Variants in HOOK3 observed in about 807,000 individuals in gnomAD.
HOOK3 encodes the protein hook microtubule tethering protein 3, also known as protein Hook homolog 3.
Under a neutral mutation model 116.3 loss-of-function variants are expected in HOOK3, and 24 were observed. That is an observed-to-expected ratio of 0.21 (90% CI 0.15 to 0.29). The LOEUF is 0.29. Among genes scored for constraint, HOOK3 ranks in the 10% least tolerant of loss-of-function variants. The pLI is 1.00. For synonymous variants in HOOK3, 275 were observed against 283.0 expected (o/e 0.97, Z 0.28); for missense variants, 632 against 830.2 (o/e 0.76, Z 2.93).
chr8:42,909,797 A>G (rs958703317), intron 2 of HOOK3, among the ~76,000 whole-genome samples: 3 of 152,224 alleles, frequency 2.0e-5, no homozygotes, highest in Admixed American at 6.5e-5. Context: ...ATTTTCAACA[A>G]CGTGGACAAA....
intron 2 of HOOK3, among the ~76,000 whole-genome samples, chr8:42,914,030 G>T (rs1037672379): frequency 6.6e-6 from 1 of 152,096 alleles, no homozygotes; most frequent in East Asian, 1.9e-4. Context: ...AAGACATCTG[G>T]TTCTCTCCTA....
chr8:43,007,394 A>C (rs1436627372), intron 17 of HOOK3, among the ~76,000 whole-genome samples: 2 of 152,214 alleles, frequency 1.3e-5, no homozygotes, highest in African/African-American at 4.8e-5. Flanking sequence ...TGTACGTAAC[A>C]GAATCGTACA....
chr8:42,930,805 A>G (rs184293479), intron 4 of HOOK3, among the ~76,000 whole-genome samples: 180 of 152,228 alleles, frequency 1.2e-3, no homozygotes, highest in African/African-American at 4.2e-3. Context: ...AGCCTCCTAC[A>G]GTCCTTCTTT....
At chr8:43,005,824 T>C (rs1182706849) in intron 17 of HOOK3, among the ~76,000 whole-genome samples, 1 of 148,556 alleles carries the variant, frequency 6.7e-6, no homozygotes, top group Non-Finnish European at 1.5e-5. Context: ...GCCTCCCAAG[T>C]AGCTGGGATT....
chr8:43,007,768 A>G (rs1809520558), intron 17 of HOOK3, 79 bp from the exon 18 acceptor site: 1 of 757,356 alleles, frequency 1.3e-6, no homozygotes, highest in Admixed American at 2.3e-5. Flanking sequence ...TAATCCAAAT[A>G]TAAGGAACTC....
intron 15 of HOOK3, among the ~76,000 whole-genome samples, chr8:42,994,737 G>C (rs1159381677): frequency 2.0e-5 from 3 of 151,984 alleles, no homozygotes; most frequent in Non-Finnish European, 4.4e-5. Context: ...TTATATTTAT[G>C]TTGCTTACAT....
At chr8:42,902,399 A>G (rs1807209523) in intron 1 of HOOK3, among the ~76,000 whole-genome samples, 2 of 150,422 alleles carry the variant, frequency 1.3e-5, no homozygotes, top group Admixed American at 6.6e-5. Context: ...CGCCTCCTGA[A>G]TAGCTGGGAC....
At position 43,026,510 on chromosome 8, in the gene HOOK3, G is replaced by A. The variant is rs2130506914; in HGVS notation, c.*8012G>A. 4.7e-6 allele frequency: 1 copy of A among 211,408 alleles called. No individual in the cohort carries two copies. The highest frequency in any genetic ancestry group is 9.6e-6 in the Non-Finnish European group (1 of 104,272). 13.1% of individuals were successfully genotyped at this position (211,408 alleles called of 1,614,324 possible). On this transcript the variant is annotated 3_prime_UTR_variant, in exon 22 of 22. Transcript: ENST00000307602. Reference sequence around the variant, plus strand: ...TACTTTTTACATGTCTCCTTAAGAAGACTCTTTTATAATGTAATACTTAGA... The same window carrying A: ...TACTTTTTACATGTCTCCTTAAGAAAACTCTTTTATAATGTAATACTTAGA...
intron 3 of HOOK3, among the ~76,000 whole-genome samples, chr8:42,927,456 A>C (rs534181992): frequency 6.6e-6 from 1 of 151,932 alleles, no homozygotes; most frequent in African/African-American, 2.4e-5. Flanking sequence ...TGGTTTCGTC[A>C]TGTTGGCTAG....
intron 21 of HOOK3, among the ~76,000 whole-genome samples, chr8:43,015,517 C>T (rs368653233): frequency 3.9e-5 from 6 of 151,942 alleles, no homozygotes; most frequent in South Asian, 2.1e-4. Context: ...AGCGAGACTC[C>T]GTCTCAGAAA....
Position 42,982,768 on chromosome 8 carries a change from A to C in HOOK3, c.1391+72A>C. 5.2e-6 allele frequency: 5 copies of C among 969,550 alleles called. No homozygotes were observed. In the Admixed American group the frequency reaches 9.3e-5, roughly 18 times the overall value. The allele number at this position is 969,550 out of a possible 1,614,324, so 60.1% of individuals were successfully genotyped here. A position where few individuals can be genotyped will look rare whatever the true frequency, so the allele number is the denominator to read the frequency against. ...AGAAAACGTACTTCTCTACAATATG[A>C]AGAAGATAATTTCCTTATTCTTTCT... On this transcript the variant is annotated intron_variant, in intron 14 of 21. Transcript: ENST00000307602.
chr8:42,967,485 T>C (rs918067411), intron 10 of HOOK3, among the ~76,000 whole-genome samples: 2 of 152,198 alleles, frequency 1.3e-5, no homozygotes, highest in African/African-American at 4.8e-5. Context: ...GACCTCTACC[T>C]TTCTGGCCTA....
At chr8:42,960,913 A>C (rs1294079234) in intron 8 of HOOK3, among the ~76,000 whole-genome samples, 1 of 152,242 alleles carries the variant, frequency 6.6e-6, no homozygotes, top group Non-Finnish European at 1.5e-5. Flanking sequence ...TTTATAAAGA[A>C]AAAAGACGTT....
Position 43,026,836 on chromosome 8 carries a change from T to A in HOOK3, c.*8338T>A, listed in dbSNP as rs990765445. 1.4e-5 allele frequency: 3 copies of A among 219,788 alleles called. No homozygotes were observed. The highest frequency in any genetic ancestry group is 1.2e-4 in the Admixed American group (2 of 17,284). 13.6% of individuals were successfully genotyped at this position (219,788 alleles called of 1,614,324 possible). On this transcript the variant is annotated 3_prime_UTR_variant, in exon 22 of 22. Coordinates refer to ENST00000307602, the MANE Select transcript of HOOK3 (RefSeq NM_032410.4). ...TGGCAGGCTGCAAAAGCATTCTGAGTTCCCCTGTAACAGATAGGTTTTATG... is the reference window on the plus strand; with the variant it reads ...TGGCAGGCTGCAAAAGCATTCTGAGATCCCCTGTAACAGATAGGTTTTATG...
At chr8:42,912,900 C>A (rs1353285880) in intron 2 of HOOK3, among the ~76,000 whole-genome samples, 1 of 152,184 alleles carries the variant, frequency 6.6e-6, no homozygotes, top group African/African-American at 2.4e-5. Flanking sequence ...CTGTGTTCCG[C>A]CTATTTATCC....
At chr8:42,897,416 G>A in intron 1 of HOOK3, 1 of 375,680 alleles carries the variant, frequency 2.7e-6, no homozygotes, top group Non-Finnish European at 4.7e-6. Context: ...GGAACGCGGC[G>A]GGCGACTCTG....
At chr8:42,950,649 T>A (rs2130396395) in intron 6 of HOOK3, among the ~76,000 whole-genome samples, 194 bp downstream of exon 6, 1 of 152,306 alleles carries the variant, frequency 6.6e-6, no homozygotes, top group East Asian at 1.9e-4. Context: ...TATTTAAATC[T>A]TAAACATTTA....
intron 4 of HOOK3, among the ~76,000 whole-genome samples, chr8:42,942,907 G>A (rs1808155374): frequency 6.6e-6 from 1 of 152,056 alleles, no homozygotes; most frequent in Non-Finnish European, 1.5e-5. Flanking sequence ...CGGTGTTTTG[G>A]GAATCAAGTG....
At chr8:42,930,506 G>A (rs940929053) in intron 4 of HOOK3, among the ~76,000 whole-genome samples, 2 of 151,886 alleles carry the variant, frequency 1.3e-5, no homozygotes, top group Admixed American at 1.3e-4. Flanking sequence ...TTTATTCCTT[G>A]GCAAACCCCC....
Sources: gnomAD v4.1 joint callset for allele counts (sites outside exome capture counted in the v4.1 genomes callset) on GRCh38, gnomAD v4.1.1 for gene constraint, MANE v1.5 for transcripts, NCBI Gene and HGNC (gene_info 2026-07-23, HGNC 2026-07-21) for gene names.